The following FARS2 variants were observed in gnomAD, a reference collection of about 807,000 sequenced individuals.
FARS2 encodes the protein phenylalanyl-tRNA synthetase 2, mitochondrial.
FARS2 carries 40 observed loss-of-function variants against 46.4 expected under a neutral mutation model. That is an observed-to-expected ratio of 0.86 (90% CI 0.67 to 1.12). The LOEUF (loss-of-function observed/expected upper bound fraction) is 1.12. Ranked by LOEUF, FARS2 falls within the 50% of genes most tolerant of loss-of-function variation. The probability of loss-of-function intolerance (pLI) is 0.00; values close to 1 mark genes in which losing one functional copy is unlikely to be tolerated. For missense variants in FARS2, 513 were observed against 567.9 expected, an observed-to-expected ratio of 0.90 and a Z score of 0.98; for synonymous variants, 234 against 214.9, an observed-to-expected ratio of 1.09 and a Z score of -0.78.
intron 1 of FARS2, among the ~76,000 whole-genome samples, chr6:5,340,636 C>T (rs1029022959): frequency 6.6e-6 from 1 of 152,216 alleles, no homozygotes; most frequent in Admixed American, 6.5e-5. Context: ...ATAGGTGATA[C>T]AGAATAAATG....
chr6:5,523,416 C>CTT (rs74406753), intron 4 of FARS2, among the ~76,000 whole-genome samples: 37 of 140,830 alleles, frequency 2.6e-4, no homozygotes, highest in Admixed American at 3.6e-4. Context: ...CATATGCTAT[C>CTT]TTTTTTTTTT....
intron 1 of FARS2, among the ~76,000 whole-genome samples, chr6:5,338,551 T>C (rs1264364403): frequency 6.6e-6 from 1 of 152,168 alleles, no homozygotes; most frequent in Non-Finnish European, 1.5e-5. Context: ...TTTCCTCTGC[T>C]CTAAAATGCT....
intron 1 of FARS2, among the ~76,000 whole-genome samples, chr6:5,348,786 T>C (rs1223317749): frequency 6.6e-6 from 1 of 151,984 alleles, no homozygotes; most frequent in Non-Finnish European, 1.5e-5. Flanking sequence ...TCAATACTCA[T>C]ACAAATAAAA....
intron 6 of FARS2, among the ~76,000 whole-genome samples, chr6:5,689,309 C>G (rs1251091724): frequency 6.6e-6 from 1 of 152,096 alleles, no homozygotes; most frequent in Admixed American, 6.6e-5. Flanking sequence ...AATTTTAGAT[C>G]TTTCCTGCTT....
the FARS2 span, among the ~76,000 whole-genome samples, chr6:5,250,010 C>T: frequency 6.6e-6 from 1 of 152,116 alleles, no homozygotes; most frequent in African/African-American, 2.4e-5. Flanking sequence ...TGTAATCACA[C>T]TTAGCATACA....
chr6:5,580,511 C>A (rs192206161), intron 5 of FARS2, among the ~76,000 whole-genome samples: 120 of 152,262 alleles, frequency 7.9e-4, no homozygotes, highest in African/African-American at 2.8e-3. Context: ...CAGCTGCACC[C>A]ACCTAAAGCC....
rs141336707 is a variant in FARS2, at chr6:5,615,328, T to G, written c.1217+2008T>G. On this transcript the variant is annotated intron_variant, in intron 6 of 6. Coordinates refer to ENST00000274680, the MANE Select transcript of FARS2 (RefSeq NM_006567.5). ...CTCATTTCCGCTTCATTTGGTATGC[T>G]CTCCTCATTGTTATCTTCTCTGTCC... is the stretch of plus-strand genomic sequence containing the variant. Among the ~76,000 whole-genome samples the G allele has an allele frequency of 1.3e-3, 196 of 152,310 alleles. 1 individual carries two copies. Among genetic ancestry groups the G allele is most frequent in the African/African-American group, 4.6e-3 (191 of 41,564 alleles).
At chr6:5,557,103 G>A (rs374704326) in intron 5 of FARS2, among the ~76,000 whole-genome samples, 12 of 152,112 alleles carry the variant, frequency 7.9e-5, no homozygotes, top group Non-Finnish European at 8.8e-5. Flanking sequence ...AGGAACTGAC[G>A]TAGAAAGAAA....
chr6:5,322,216 A>C (rs1265493826), intron 1 of FARS2, among the ~76,000 whole-genome samples: 1 of 152,242 alleles, frequency 6.6e-6, no homozygotes, highest in East Asian at 1.9e-4. Flanking sequence ...GATAAAATAA[A>C]CTGTCATTTT....
rs10686556 is a variant in FARS2, at chr6:5,459,378, A to ATTT, written c.904+28214_904+28216dup. ...TTTTATCTCTAAAAAGCAATTTATG[A>ATTT]TTTTTTTTTTGACCCTAGTATACTG... On this transcript the variant is annotated intron_variant, in intron 4 of 6. Coordinates refer to ENST00000274680, the MANE Select transcript of FARS2 (RefSeq NM_006567.5). 2.6e-4 allele frequency among the ~76,000 whole-genome samples: 39 copies of ATTT among 150,644 alleles called. No individual in the cohort carries two copies. The East Asian group carries it at 3.5e-3, about 14-fold the overall frequency.
At chr6:5,407,229 T>TA (rs1217914420) in intron 3 of FARS2, among the ~76,000 whole-genome samples, 2 of 151,866 alleles carry the variant, frequency 1.3e-5, no homozygotes, top group Non-Finnish European at 2.9e-5. Context: ...GTTCTGGCCT[T>TA]ACGCAGGATT....
chr6:5,310,773 A>G (rs1294348508), intron 1 of FARS2, among the ~76,000 whole-genome samples: 3 of 152,236 alleles, frequency 2.0e-5, no homozygotes, highest in Non-Finnish European at 4.4e-5. Context: ...CGTAAGGTCC[A>G]TAGGCAGAGG....
chr6:5,305,073 G>A (rs1198479003), intron 1 of FARS2, among the ~76,000 whole-genome samples: 1 of 152,174 alleles, frequency 6.6e-6, no homozygotes, highest in Non-Finnish European at 1.5e-5. Context: ...CACCTGGTGA[G>A]GACAGTCTTT....
chr6:5,316,451 A>G (rs924367987), intron 1 of FARS2, among the ~76,000 whole-genome samples: 2 of 152,234 alleles, frequency 1.3e-5, no homozygotes, highest in Non-Finnish European at 2.9e-5. Context: ...AAGGCTGAGC[A>G]AAGTGAAAAT....
intron 6 of FARS2, among the ~76,000 whole-genome samples, chr6:5,657,057 C>T (rs1777638614): frequency 6.6e-6 from 1 of 151,922 alleles, no homozygotes; most frequent in African/African-American, 2.4e-5. Context: ...TTTACATATC[C>T]TTATGTAATG....
At chr6:5,329,216 GT>G in intron 1 of FARS2, among the ~76,000 whole-genome samples, 1 of 151,886 alleles carries the variant, frequency 6.6e-6, no homozygotes, top group South Asian at 2.1e-4. Context: ...GGTAAGCCAT[GT>G]AATAAAATAT....
intron 1 of FARS2, among the ~76,000 whole-genome samples, chr6:5,279,469 A>G (rs1766575035): frequency 6.6e-6 from 1 of 151,006 alleles, no homozygotes; most frequent in Non-Finnish European, 1.5e-5. Flanking sequence ...TGACAAGTGT[A>G]TATAAATGGA....
chr6:5,486,725 G>A (rs1334805991), intron 4 of FARS2, among the ~76,000 whole-genome samples: 1 of 152,172 alleles, frequency 6.6e-6, no homozygotes, highest in Non-Finnish European at 1.5e-5. Context: ...GCTTTGCATT[G>A]CTTTCCTTCA....
chr6:5,358,835 TA>T (rs934362331), intron 1 of FARS2, among the ~76,000 whole-genome samples: 6 of 150,984 alleles, frequency 4.0e-5, no homozygotes, highest in Non-Finnish European at 5.9e-5. Context: ...GATTTGTGTC[TA>T]AAAAAAAACT....
Sources: gnomAD v4.1 joint callset for allele counts (sites outside exome capture counted in the v4.1 genomes callset) on GRCh38, gnomAD v4.1.1 for gene constraint, MANE v1.5 for transcripts, NCBI Gene and HGNC (gene_info 2026-07-23, HGNC 2026-07-21) for gene names.